The following DNASE1 variants were observed in gnomAD, a reference collection of about 807,000 sequenced individuals.
DNASE1 encodes deoxyribonuclease 1, also known as deoxyribonuclease-1.
Under a neutral mutation model 33.9 loss-of-function variants are expected in DNASE1, and 40 were observed. That is an observed-to-expected ratio of 1.18 (90% confidence interval 0.92 to 1.54). The LOEUF (loss-of-function observed/expected upper bound fraction) is 1.54. DNASE1 is among the 40% of genes most tolerant of loss of function. The pLI is 0.00. For synonymous variants in DNASE1, 216 were observed against 160.0 expected (o/e 1.35, Z -2.64); for missense variants, 518 against 372.6 (o/e 1.39, Z -3.21).
downstream of DNASE1, chr16:3,662,166 G>C (rs759556006): frequency 5.0e-6 from 8 of 1,591,016 alleles, no homozygotes; most frequent in East Asian, 1.8e-4. Context: ...GGGTGATAGA[G>C]GTTCCCAATG....
intron 1 of DNASE1, among the ~76,000 whole-genome samples, chr16:3,649,651 T>C (rs2042273425): frequency 6.6e-6 from 1 of 152,240 alleles, no homozygotes; most frequent in Non-Finnish European, 1.5e-5. Flanking sequence ...TTGAGAGCAC[T>C]CTTGATTAAG....
chr16:3,643,978 T>G (rs1360491575), intron 1 of DNASE1, among the ~76,000 whole-genome samples: 1 of 151,926 alleles, frequency 6.6e-6, no homozygotes, highest in Non-Finnish European at 1.5e-5. Context: ...AGCCAGGATG[T>G]GATTTGCCTG....
intron 1 of DNASE1, among the ~76,000 whole-genome samples, chr16:3,648,746 C>G (rs2042245148): frequency 6.6e-6 from 1 of 152,244 alleles, no homozygotes; most frequent in Admixed American, 6.5e-5. Context: ...GGTCAGTGTT[C>G]TGCTTTCCCT....
At chr16:3,654,096 G>A (rs916230050), upstream of DNASE1, 4 of 293,170 alleles carry the variant, frequency 1.4e-5, no homozygotes, top group African/African-American at 8.6e-5. Flanking sequence ...GCAACACAGT[G>A]TGAGACCCTG....
At chr16:3,650,318 T>C (rs1003341119), upstream of DNASE1, among the ~76,000 whole-genome samples, 1 of 152,186 alleles carries the variant, frequency 6.6e-6, no homozygotes, top group African/African-American at 2.4e-5. Flanking sequence ...CACTCAAGTA[T>C]CAATTTCAGA....
At chr16:3,647,262 ATTTTTT>A (rs537295148) in intron 1 of DNASE1, among the ~76,000 whole-genome samples, 1 of 130,232 alleles carries the variant, frequency 7.7e-6, no homozygotes, top group Non-Finnish European at 1.6e-5. Flanking sequence ...TAATCATGGG[ATTTTTT>A]TTTTTTTTTT....
At chr16:3,614,126 A>G (rs922599166) in intron 1 of DNASE1, among the ~76,000 whole-genome samples, 6 of 151,642 alleles carry the variant, frequency 4.0e-5, no homozygotes, top group Non-Finnish European at 4.4e-5. Flanking sequence ...ATTAGCCAGG[A>G]TGGTCTCGAT....
intron 1 of DNASE1, among the ~76,000 whole-genome samples, chr16:3,648,846 G>C: frequency 6.6e-6 from 1 of 152,164 alleles, no homozygotes; most frequent in East Asian, 1.9e-4. Flanking sequence ...CATACATTTT[G>C]TTTATGGATA....
chr16:3,655,052 C>G lies in DNASE1; in HGVS notation c.-2+8C>G. The G allele has an allele frequency of 1.7e-6, 1 of 578,622 alleles. No individual in the cohort carries two copies. Among genetic ancestry groups the G allele is most frequent in the Admixed American group, 3.1e-5 (1 of 32,190 alleles). 35.8% of individuals were successfully genotyped at this position (578,622 alleles called of 1,614,324 possible). ...ACATCACCATCATCTCAGGTGAGCA[C>G]CAGGTGGAGTGCCTCTGGGTGACTG... On this transcript the variant is annotated splice_region_variant and intron_variant, in intron 1 of 8. Coordinates refer to ENST00000246949, the MANE Select transcript of DNASE1 (RefSeq NM_005223.4).
intron 1 of DNASE1, among the ~76,000 whole-genome samples, chr16:3,626,776 T>G (rs2041525712): frequency 6.6e-6 from 1 of 152,246 alleles, no homozygotes. Flanking sequence ...TTCATTTATT[T>G]TGAATCTCTT....
At chr16:3,614,156 C>T (rs1037953749) in intron 1 of DNASE1, among the ~76,000 whole-genome samples, 4 of 152,080 alleles carry the variant, frequency 2.6e-5, no homozygotes, top group Non-Finnish European at 4.4e-5. Context: ...TCGTGATCTG[C>T]CCGCCTTGGC....
At chr16:3,639,868 C>T (rs556359834), upstream of DNASE1, among the ~76,000 whole-genome samples, 3 of 152,244 alleles carry the variant, frequency 2.0e-5, no homozygotes, top group South Asian at 6.2e-4. Flanking sequence ...TCAAGACCAG[C>T]CTGGGCAACA....
At position 3,658,082 on chromosome 16, in the gene DNASE1, A is replaced by G. The variant is rs1381004348; in HGVS notation, c.*129A>G. 5 of 1,609,724 alleles carry G rather than the reference A, an allele frequency of 3.1e-6. No homozygotes were observed. On this transcript the variant is annotated 3_prime_UTR_variant, in exon 9 of 9. Transcript: ENST00000246949. ...AAATTTAGGTAAATAAAGCTCAAGG[A>G]GGTGGGGCTGTCATCTGTGGTGTCA...
intron 1 of DNASE1, among the ~76,000 whole-genome samples, chr16:3,649,677 T>C (rs1031271543): frequency 1.3e-5 from 2 of 152,214 alleles, no homozygotes; most frequent in African/African-American, 4.8e-5. Context: ...ATAATTATTT[T>C]AATAGTAAGC....
In DNASE1 at chr16:3,657,975, T is replaced by TG; in HGVS notation, c.*23dup. The TG allele has an allele frequency of 6.2e-7, 1 of 1,613,554 alleles. No individual in the cohort carries two copies. The highest frequency in any genetic ancestry group is 2.2e-5 in the East Asian group (1 of 44,860). ...GTGAGCAGCCCCTCCCCACACCAGT[T>TG]GAACTGCAGGAAGAGAGGACCCATC... On this transcript the variant is annotated 3_prime_UTR_variant, in exon 9 of 9. Coordinates refer to ENST00000246949, the MANE Select transcript of DNASE1 (RefSeq NM_005223.4).
At chr16:3,643,630 G>C (rs1342360455) in intron 1 of DNASE1, among the ~76,000 whole-genome samples, 1 of 152,202 alleles carries the variant, frequency 6.6e-6, no homozygotes, top group Non-Finnish European at 1.5e-5. Flanking sequence ...CTCAGTTGAA[G>C]GCAACCAGGT....
intron 1 of DNASE1, among the ~76,000 whole-genome samples, chr16:3,618,381 AATC>A (rs1054366473): frequency 6.6e-6 from 1 of 152,198 alleles, no homozygotes; most frequent in South Asian, 2.1e-4. Flanking sequence ...TTAAAGATAA[AATC>A]ATCATATGAT....
intron 1 of DNASE1, among the ~76,000 whole-genome samples, chr16:3,630,133 T>TTG (rs200194109): frequency 0.01 from 1,580 of 150,710 alleles, 31 homozygotes; most frequent in East Asian, 0.082. Context: ...TTGTTTTTTG[T>TTG]TGTGTGTGTG....
chr16:3,658,045 A>AGAAAT lies in DNASE1; in HGVS notation c.*93_*97dup. On this transcript the variant is annotated 3_prime_UTR_variant, in exon 9 of 9. Coordinates refer to ENST00000246949, the MANE Select transcript of DNASE1 (RefSeq NM_005223.4). ...AAAAGCCCAACACACACTCGGGTTA[A>AGAAAT]GAAATACCTTTAAATTTAGGTAAAT... The AGAAAT allele has an allele frequency of 6.2e-7, 1 of 1,608,324 alleles. No individual in the cohort carries two copies. The highest frequency in any genetic ancestry group is 8.5e-7 in the Non-Finnish European group (1 of 1,176,596).
Sources: allele counts gnomAD v4.1 joint callset (sites outside exome capture counted in the v4.1 genomes callset), GRCh38; gene constraint gnomAD v4.1.1; transcripts MANE v1.5; gene names NCBI Gene and HGNC (gene_info 2026-07-23, HGNC 2026-07-21).